The following PGM5 variants were observed in gnomAD, a reference collection of about 807,000 sequenced individuals.
PGM5 encodes phosphoglucomutase 5, also known as phosphoglucomutase-like protein 5.
In PGM5, 23 loss-of-function variants were observed where a neutral mutation model predicts 59.2. The observed-to-expected ratio is 0.39, with a 90% CI of 0.28 to 0.55. The LOEUF (loss-of-function observed/expected upper bound fraction) is 0.55. Among genes scored for constraint, PGM5 ranks in the 20% least tolerant of loss-of-function variants. PGM5 has a pLI of 0.66. For synonymous variants in PGM5, 214 were observed against 286.0 expected (o/e 0.75, Z 2.54); for missense variants, 574 against 748.3 (o/e 0.77, Z 2.72).
At position 68,501,598 on chromosome 9, in the gene PGM5, C is replaced by T. The variant is rs143538385; in HGVS notation, c.1614+2237C>T. Among the ~76,000 whole-genome samples the T allele has an allele frequency of 3.7e-4, 56 of 152,326 alleles. No individual in the cohort carries two copies. In the East Asian group the frequency reaches 0.011, roughly 29 times the overall value. On this transcript the variant is annotated intron_variant, in intron 10 of 10. Coordinates refer to ENST00000396396, the MANE Select transcript of PGM5 (RefSeq NM_021965.4). ...TGCTAGTGTTATTCCTGATCAGGGC[C>T]TGACTGGAAAGACCTGCTTGTGTTG...
At chr9:68,422,211 T>C (rs1823142608) in intron 6 of PGM5, among the ~76,000 whole-genome samples, 1 of 152,160 alleles carries the variant, frequency 6.6e-6, no homozygotes, top group Non-Finnish European at 1.5e-5. Flanking sequence ...TAATAATTTA[T>C]TGACCTGAAA....
intron 6 of PGM5, among the ~76,000 whole-genome samples, chr9:68,401,651 G>A (rs1286353419): frequency 5.3e-5 from 8 of 151,698 alleles, no homozygotes; most frequent in Admixed American, 5.2e-4. Flanking sequence ...GTGGCGTGCT[G>A]TTGTTCTCCA....
At chr9:68,477,162 T>C (rs1253037732) in intron 7 of PGM5, among the ~76,000 whole-genome samples, 2 of 152,192 alleles carry the variant, frequency 1.3e-5, no homozygotes, top group African/African-American at 2.4e-5. Flanking sequence ...CATGGTGTGA[T>C]GATTAATGCC....
chr9:68,479,608 A>T, intron 8 of PGM5, 55 bp downstream of exon 8: 1 of 1,569,086 alleles, frequency 6.4e-7, no homozygotes, highest in Middle Eastern at 1.7e-4. Flanking sequence ...CTCCTAGAAC[A>T]GGTTTCTAAA....
chr9:68,439,561 G>A lies in PGM5; in HGVS notation c.1044-25532G>A, dbSNP rs1315901320. On this transcript the variant is annotated intron_variant, in intron 6 of 10. Coordinates refer to ENST00000396396, the MANE Select transcript of PGM5 (RefSeq NM_021965.4). The stretch of plus-strand genomic sequence containing the variant: ...ATATGACAGCTGTTTCTCAGAAGAT[G>A]ATCAAACAGCTACAGATTACCCACA... Among the ~76,000 whole-genome samples the A allele has an allele frequency of 2.0e-5, 3 of 146,984 alleles. No homozygotes were observed. In the Admixed American group the frequency reaches 2.1e-4, roughly 10 times the overall value.
intron 9 of PGM5, chr9:68,497,941 T>G (rs1824506984): frequency 2.6e-5 from 4 of 152,258 alleles, no homozygotes; most frequent in Admixed American, 1.3e-4. Context: ...GGAGATGTGC[T>G]GAGCCAATGA....
At chr9:68,414,981 G>A (rs1332985511) in intron 6 of PGM5, among the ~76,000 whole-genome samples, 1 of 148,010 alleles carries the variant, frequency 6.8e-6, no homozygotes, top group Non-Finnish European at 1.5e-5. Flanking sequence ...GGTCACTGAG[G>A]TACACATAAG....
chr9:68,399,581 T>C (rs1268926315), intron 6 of PGM5, among the ~76,000 whole-genome samples: 3 of 150,902 alleles, frequency 2.0e-5, no homozygotes, highest in African/African-American at 7.3e-5. Context: ...CTTCATATGC[T>C]TGAGAAATTT....
At chr9:68,503,043 A>G (rs1315315471) in intron 10 of PGM5, among the ~76,000 whole-genome samples, 1 of 152,210 alleles carries the variant, frequency 6.6e-6, no homozygotes, top group East Asian at 1.9e-4. Flanking sequence ...ACTAATACCT[A>G]AGAACCAGGT....
intron 1 of PGM5, among the ~76,000 whole-genome samples, chr9:68,360,299 A>G (rs1271371411): frequency 2.6e-4 from 40 of 151,596 alleles, no homozygotes; most frequent in African/African-American, 9.4e-4. Flanking sequence ...AAAATTTTAT[A>G]AATTAAAAAT....
chr9:68,385,001 T>TC (rs1822179014), intron 3 of PGM5, among the ~76,000 whole-genome samples: 1 of 152,002 alleles, frequency 6.6e-6, no homozygotes, highest in African/African-American at 2.4e-5. Flanking sequence ...TAATTATTGA[T>TC]CACCTGCCCT....
At chr9:68,382,621 T>C (rs1216181186) in intron 2 of PGM5, among the ~76,000 whole-genome samples, 13 of 151,766 alleles carry the variant, frequency 8.6e-5, no homozygotes, top group Non-Finnish European at 1.9e-4. Flanking sequence ...TTTATTTTTA[T>C]ATGAGTGCCT....
At chr9:68,383,761 A>G (rs1204492731) in intron 2 of PGM5, among the ~76,000 whole-genome samples, 6 of 99,788 alleles carry the variant, frequency 6.0e-5, no homozygotes, top group Non-Finnish European at 1.1e-4. Flanking sequence ...AAAAAAAAAA[A>G]GCAAAACCCC....
chr9:68,396,455 C>A (rs1259366397), intron 6 of PGM5: 1 of 152,142 alleles, frequency 6.6e-6, no homozygotes, highest in African/African-American at 2.4e-5. Flanking sequence ...ACAACAAAAA[C>A]CATTTGTCCT....
intron 6 of PGM5, among the ~76,000 whole-genome samples, chr9:68,430,512 A>G (rs1186456120): frequency 6.6e-6 from 1 of 152,260 alleles, no homozygotes; most frequent in Non-Finnish European, 1.5e-5. Context: ...AAATCCTTGT[A>G]CTTTCCTCAC....
At chr9:68,449,349 G>T (rs1823661135) in intron 6 of PGM5, among the ~76,000 whole-genome samples, 1 of 152,204 alleles carries the variant, frequency 6.6e-6, no homozygotes, top group Non-Finnish European at 1.5e-5. Flanking sequence ...CCGAAGTGAG[G>T]GAAGCAGCAT....
intron 2 of PGM5, among the ~76,000 whole-genome samples, chr9:68,383,052 G>A (rs1399912933): frequency 6.6e-6 from 1 of 151,860 alleles, no homozygotes; most frequent in African/African-American, 2.4e-5. Context: ...AAAATGGTAA[G>A]GAGTGAAGAA....
intron 6 of PGM5, among the ~76,000 whole-genome samples, chr9:68,404,424 C>G (rs1822750721): frequency 6.6e-6 from 1 of 152,184 alleles, no homozygotes; most frequent in Non-Finnish European, 1.5e-5. Context: ...CTACTGCGCC[C>G]AGCCTAAGTT....
At chr9:68,389,214 A>G (rs1554679220) in intron 4 of PGM5, among the ~76,000 whole-genome samples, 1 of 152,090 alleles carries the variant, frequency 6.6e-6, no homozygotes, top group Non-Finnish European at 1.5e-5. Flanking sequence ...GTTATGTTTC[A>G]TGGATACCAT....
Sources: gnomAD v4.1 joint callset for allele counts (sites outside exome capture counted in the v4.1 genomes callset) on GRCh38, gnomAD v4.1.1 for gene constraint, MANE v1.5 for transcripts, NCBI Gene and HGNC (gene_info 2026-07-23, HGNC 2026-07-21) for gene names.